MSR1: variants seen among roughly 807,000 people sequenced by gnomAD.
MSR1 encodes the protein macrophage scavenger receptor types I and II.
A neutral mutation model predicts 47.2 loss-of-function variants in MSR1; 53 were observed. The ratio of observed to expected loss-of-function variants is 1.12; its 90% CI spans 0.90 to 1.41. The LOEUF is 1.41. Among genes scored for constraint, MSR1 ranks in the 40% most tolerant of loss-of-function variants. The pLI, the probability that MSR1 is intolerant of heterozygous loss-of-function variation, is 0.00. For missense variants in MSR1, 786 were observed against 546.9 expected (o/e 1.44, Z -4.36); for synonymous variants, 239 against 185.6 (o/e 1.29, Z -2.34).
chr8:16,140,862 C>A, intron 8 of MSR1: 2 of 1,587,292 alleles, frequency 1.3e-6, no homozygotes, highest in East Asian at 2.2e-5. Flanking sequence ...ATGTGGAAGT[C>A]AGGTACAACA....
chr8:16,142,968 A>AT (rs1283280234), intron 8 of MSR1, among the ~76,000 whole-genome samples: 1 of 152,168 alleles, frequency 6.6e-6, no homozygotes, highest in East Asian at 1.9e-4. Context: ...AATAGAAGAC[A>AT]TCTCATCTAA....
chr8:16,110,543 A>C (rs1799734013), intron 9 of MSR1, among the ~76,000 whole-genome samples: 1 of 152,166 alleles, frequency 6.6e-6, no homozygotes, highest in African/African-American at 2.4e-5. Context: ...AATAAAGAAG[A>C]AAGTTTGAGC....
At position 16,133,884 on chromosome 8, in the gene MSR1, T is replaced by C. The variant is rs1800322884; in HGVS notation, c.1033+9674A>G. 2.0e-5 allele frequency among the ~76,000 whole-genome samples: 3 copies of C among 152,204 alleles called. No individual in the cohort carries two copies. The South Asian group carries it at 6.2e-4, about 32-fold the overall frequency. ...CATCTAGAAAAAACTTTACTCAACC[T>C]TAATTTCTAAGTCACAGTTGTGCAA... On this transcript the variant is annotated intron_variant, in intron 8 of 9. Coordinates refer to ENST00000262101, the MANE Select transcript of MSR1 (RefSeq NM_138715.3).
chr8:16,167,261 C>T (rs891712543), intron 4 of MSR1, among the ~76,000 whole-genome samples: 5 of 152,134 alleles, frequency 3.3e-5, no homozygotes, highest in African/African-American at 1.2e-4. Flanking sequence ...ATTCGATGGT[C>T]AGCCAGGCGC....
chr8:16,144,357 T>C (rs1272261924), intron 7 of MSR1, among the ~76,000 whole-genome samples: 1 of 152,220 alleles, frequency 6.6e-6, no homozygotes, highest in Non-Finnish European at 1.5e-5. Flanking sequence ...TTGAGTTTTT[T>C]TTCCAACAGC....
At chr8:16,165,245 C>G (rs937505387) in intron 4 of MSR1, among the ~76,000 whole-genome samples, 7 of 152,114 alleles carry the variant, frequency 4.6e-5, no homozygotes, top group African/African-American at 1.7e-4. Flanking sequence ...TTTTCTTCCT[C>G]TTACTGCGTA....
intron 8 of MSR1, among the ~76,000 whole-genome samples, chr8:16,137,434 C>A (rs566449149): frequency 7.5e-6 from 1 of 132,874 alleles, no homozygotes. Context: ...TTCTGCCTTT[C>A]TCTCTCTCTA....
chr8:16,180,790 T>G (rs979254756), intron 1 of MSR1, among the ~76,000 whole-genome samples: 1 of 152,152 alleles, frequency 6.6e-6, no homozygotes, highest in African/African-American at 2.4e-5. Context: ...GATTCTTTAT[T>G]TGGAAGTTTG....
intron 8 of MSR1, chr8:16,121,047 A>G (rs1799994222): frequency 2.8e-6 from 1 of 352,292 alleles, no homozygotes; most frequent in African/African-American, 2.2e-5. Flanking sequence ...CGAGGAGCAG[A>G]TATTTTAGAA....
At chr8:16,166,722 G>C (rs924652756) in intron 4 of MSR1, among the ~76,000 whole-genome samples, 1 of 151,988 alleles carries the variant, frequency 6.6e-6, no homozygotes, top group African/African-American at 2.4e-5. Context: ...TGGTGCCAAT[G>C]TTCTTCCTCT....
At chr8:16,167,703 T>C (rs1168344251) in intron 4 of MSR1, among the ~76,000 whole-genome samples, 1 of 152,186 alleles carries the variant, frequency 6.6e-6, no homozygotes, top group African/African-American at 2.4e-5. Flanking sequence ...TCTACATAAA[T>C]AGTATTTCTT....
chr8:16,150,011 C>A (rs1800803783), intron 7 of MSR1, among the ~76,000 whole-genome samples: 1 of 151,422 alleles, frequency 6.6e-6, no homozygotes, highest in African/African-American at 2.4e-5. Context: ...TTTCAGAAAT[C>A]ATTTCTAGAC....
intron 1 of MSR1, among the ~76,000 whole-genome samples, chr8:16,190,470 A>G (rs369046165): frequency 8.6e-4 from 131 of 152,062 alleles, no homozygotes; most frequent in African/African-American, 3.1e-3. Context: ...AGTGGTTTTC[A>G]TTTTTATTTT....
At chr8:16,168,349 A>C in intron 4 of MSR1, 109 bp downstream of exon 4, 1 of 1,055,792 alleles carries the variant, frequency 9.5e-7, no homozygotes, top group Admixed American at 1.9e-5. Flanking sequence ...CAGGGTAAAC[A>C]GGATGATGAA....
intron 5 of MSR1, among the ~76,000 whole-genome samples, chr8:16,162,892 A>C (rs919568833): frequency 1.3e-5 from 2 of 152,060 alleles, no homozygotes; most frequent in Middle Eastern, 3.4e-3. Context: ...TTAAGGCTCC[A>C]CAAGATTGTC....
chr8:16,161,151 T>C (rs1016380746), intron 5 of MSR1, among the ~76,000 whole-genome samples: 4 of 150,088 alleles, frequency 2.7e-5, no homozygotes, highest in African/African-American at 9.8e-5. Context: ...AGAGTAGTAG[T>C]AGAGAGTAAG....
intron 3 of MSR1, among the ~76,000 whole-genome samples, chr8:16,173,783 G>A (rs891303501): frequency 6.6e-6 from 1 of 151,974 alleles, no homozygotes; most frequent in Non-Finnish European, 1.5e-5. Context: ...CGAGTAGCTG[G>A]GACTACAGGC....
chr8:16,175,337 G>C, intron 2 of MSR1, 37 bp from the exon 3 acceptor site: 1 of 1,489,498 alleles, frequency 6.7e-7, no homozygotes, highest in Non-Finnish European at 9.4e-7. Context: ...CTGTTAGAAA[G>C]TGTTGTCTTC....
chr8:16,146,413 T>C (rs1428766289), intron 7 of MSR1, among the ~76,000 whole-genome samples: 1 of 151,848 alleles, frequency 6.6e-6, no homozygotes. Flanking sequence ...TAACAAAAAA[T>C]GCATCTCTTC....
Sources: gnomAD v4.1 joint callset for allele counts (sites outside exome capture counted in the v4.1 genomes callset) on GRCh38, gnomAD v4.1.1 for gene constraint, MANE v1.5 for transcripts, NCBI Gene and HGNC (gene_info 2026-07-23, HGNC 2026-07-21) for gene names.